ILRUN: variants seen among roughly 807,000 people sequenced by gnomAD.
ILRUN encodes the protein protein ILRUN.
ILRUN carries 3 observed loss-of-function variants against 33.8 expected under a neutral mutation model. The observed-to-expected ratio is 0.09, with a 90% CI of 0.04 to 0.23. ILRUN has a LOEUF of 0.23. ILRUN is among the 10% of genes least tolerant of loss of function. The probability of loss-of-function intolerance (pLI) is 1.00; values close to 1 mark genes in which losing one functional copy is unlikely to be tolerated. For missense variants in ILRUN, 210 were observed against 375.1 expected (o/e 0.56, Z 3.64); for synonymous variants, 124 against 138.9 (o/e 0.89, Z 0.75).
chr6:34,695,999 T>C (rs1763762003), intron 1 of ILRUN, among the ~76,000 whole-genome samples: 1 of 152,040 alleles, frequency 6.6e-6, no homozygotes, highest in African/African-American at 2.4e-5. Context: ...CCCTATAGTT[T>C]CCGCCCAATC....
intron 1 of ILRUN, among the ~76,000 whole-genome samples, chr6:34,683,487 C>CATATATATACATATATATATACAT (rs1763441425): frequency 1.2e-5 from 1 of 81,884 alleles, no homozygotes; most frequent in African/African-American, 7.6e-5. Flanking sequence ...TATATATATA[C>CATATATATACATATATATATACAT]ATATATATAT....
At chr6:34,593,912 T>G (rs1336056593) in intron 4 of ILRUN, among the ~76,000 whole-genome samples, 5 of 151,698 alleles carry the variant, frequency 3.3e-5, no homozygotes, top group Non-Finnish European at 5.9e-5. Context: ...GTCTGGGGAG[T>G]CCTATGGCAG....
At chr6:34,651,984 G>A (rs778070571) in intron 2 of ILRUN, among the ~76,000 whole-genome samples, 4 of 151,912 alleles carry the variant, frequency 2.6e-5, no homozygotes, top group South Asian at 4.2e-4. Context: ...AGTAGACGGG[G>A]TTTTGCCATG....
intron 4 of ILRUN, among the ~76,000 whole-genome samples, chr6:34,601,701 A>ACCC (rs762784252): frequency 2.1e-4 from 30 of 145,742 alleles, no homozygotes; most frequent in African/African-American, 6.3e-4. Context: ...CTCCTCCAGT[A>ACCC]CCCGCCCCCC....
rs190306675 is a variant in ILRUN at position 34,654,302 on chromosome 6, A to C, written c.313+323T>G. ...AATTAGAGCAGAAATAAAGTGATGA[A>C]GTAAAACTGTACAGGTGGAGCCAAT... is the stretch of plus-strand genomic sequence containing the variant. On this transcript the variant is annotated intron_variant, in intron 2 of 4. Transcript: ENST00000374023. Among the ~76,000 whole-genome samples the C allele has an allele frequency of 2.2e-4, 33 of 152,348 alleles. 1 individual carries two copies. In the East Asian group the frequency reaches 3.7e-3, roughly 17 times the overall value.
Position 34,663,848 on chromosome 6 carries a change from G to A in ILRUN, c.159-9069C>T, listed in dbSNP as rs114087651. Among the ~76,000 whole-genome samples the A allele has an allele frequency of 4.6e-3, 694 of 152,224 alleles. 8 individuals are homozygous for A. Among genetic ancestry groups the A allele is most frequent in the African/African-American group, 0.016 (652 of 41,522 alleles). On this transcript the variant is annotated intron_variant, in intron 1 of 4. Coordinates refer to ENST00000374023, the MANE Select transcript of ILRUN (RefSeq NM_024294.4). ...ACCTATGAATATGTTAAGTTATATC[G>A]CAAAGAGGAATTAAGGGTGTTAATC... is the stretch of plus-strand genomic sequence containing the variant.
At chr6:34,664,215 A>G (rs1273953525) in intron 1 of ILRUN, among the ~76,000 whole-genome samples, 3 of 152,252 alleles carry the variant, frequency 2.0e-5, no homozygotes, top group Non-Finnish European at 4.4e-5. Context: ...CACAGCACCA[A>G]AAACTAATAT....
chr6:34,642,113 C>T (rs1045990405), intron 3 of ILRUN, among the ~76,000 whole-genome samples: 2 of 152,152 alleles, frequency 1.3e-5, no homozygotes, highest in Admixed American at 6.5e-5. Flanking sequence ...ATCATTGATG[C>T]TTTACAAAAA....
At chr6:34,656,085 A>T (rs1762765837) in intron 1 of ILRUN, among the ~76,000 whole-genome samples, 1 of 151,844 alleles carries the variant, frequency 6.6e-6, no homozygotes, top group Non-Finnish European at 1.5e-5. Context: ...AAGTACAAAA[A>T]ATTAGCCAGG....
intron 2 of ILRUN, among the ~76,000 whole-genome samples, chr6:34,651,746 A>AT (rs1320818089): frequency 3.4e-5 from 5 of 148,208 alleles, no homozygotes; most frequent in African/African-American, 9.9e-5. Context: ...AAAAAAAAAA[A>AT]AATTATATAT....
chr6:34,689,255 G>C (rs1416840362), intron 1 of ILRUN, among the ~76,000 whole-genome samples: 1 of 151,712 alleles, frequency 6.6e-6, no homozygotes, highest in Non-Finnish European at 1.5e-5. Flanking sequence ...AATCACTTGA[G>C]CCTCAGAGTT....
intron 3 of ILRUN, among the ~76,000 whole-genome samples, chr6:34,629,694 T>G (rs1008473773): frequency 5.9e-5 from 9 of 152,214 alleles, no homozygotes; most frequent in African/African-American, 2.2e-4. Flanking sequence ...GATCTGTGAT[T>G]TGATGTCTGA....
intron 3 of ILRUN, among the ~76,000 whole-genome samples, chr6:34,637,620 C>CAGCACACATTAACACTACT (rs1762389541): frequency 6.6e-6 from 1 of 152,194 alleles, no homozygotes; most frequent in Admixed American, 6.5e-5. Context: ...TTAGCACTAA[C>CAGCACACATTAACACTACT]AGCACACATT....
At chr6:34,602,147 T>C (rs552366886) in intron 4 of ILRUN, among the ~76,000 whole-genome samples, 1 of 151,782 alleles carries the variant, frequency 6.6e-6, no homozygotes, top group Non-Finnish European at 1.5e-5. Flanking sequence ...AAACACAATA[T>C]AAGAGCCATA....
At chr6:34,601,397 T>TAAA (rs201400256) in intron 4 of ILRUN, among the ~76,000 whole-genome samples, 3,527 of 152,224 alleles carry the variant, frequency 0.023, 59 homozygotes, top group Non-Finnish European at 0.034. Flanking sequence ...TTTAAACCTT[T>TAAA]CATGGAGAGG....
At chr6:34,674,747 A>C (rs1366378927) in intron 1 of ILRUN, among the ~76,000 whole-genome samples, 1 of 152,088 alleles carries the variant, frequency 6.6e-6, no homozygotes, top group Non-Finnish European at 1.5e-5. Flanking sequence ...CTTTAAAAAC[A>C]CCTTTAAGTA....
intron 2 of ILRUN, among the ~76,000 whole-genome samples, chr6:34,647,611 G>A (rs973410022): frequency 6.6e-6 from 1 of 152,052 alleles, no homozygotes; most frequent in African/African-American, 2.4e-5. Context: ...CTGGACTGGA[G>A]TACAATGAAT....
chr6:34,650,506 C>A (rs1044133117), intron 2 of ILRUN, among the ~76,000 whole-genome samples: 34 of 151,902 alleles, frequency 2.2e-4, no homozygotes, highest in Non-Finnish European at 4.4e-4. Context: ...TCTCAGCTCA[C>A]TGCAACCTCC....
intron 3 of ILRUN, among the ~76,000 whole-genome samples, chr6:34,619,403 T>G (rs887872566): frequency 6.6e-6 from 1 of 152,052 alleles, no homozygotes; most frequent in African/African-American, 2.4e-5. Context: ...TCAGGCTGGA[T>G]GAAGTGCAGT....
Sources: gnomAD v4.1 joint callset for allele counts (sites outside exome capture counted in the v4.1 genomes callset) on GRCh38, gnomAD v4.1.1 for gene constraint, MANE v1.5 for transcripts, NCBI Gene and HGNC (gene_info 2026-07-23, HGNC 2026-07-21) for gene names.